DLGAP2: variants seen among roughly 807,000 people sequenced by gnomAD.
DLGAP2 encodes disks large-associated protein 2.
A neutral mutation model predicts 100.3 loss-of-function variants in DLGAP2; 26 were observed. The ratio of observed to expected loss-of-function variants is 0.26; its 90% CI spans 0.19 to 0.36. The LOEUF is 0.36. DLGAP2 is among the 10% of genes least tolerant of loss of function. The pLI is 1.00. For synonymous variants in DLGAP2, 886 were observed against 630.1 expected, an observed-to-expected ratio of 1.41 and a Z score of -6.08; for missense variants, 1,858 against 1,453.2, an observed-to-expected ratio of 1.28 and a Z score of -4.53.
chr8:848,347 G>C (rs1360371992), intron 1 of DLGAP2, among the ~76,000 whole-genome samples: 1 of 147,892 alleles, frequency 6.8e-6, no homozygotes, highest in South Asian at 2.1e-4. Context: ...TTCCAGTATA[G>C]GAACGTGCGG....
chr8:1,559,096 C>T (rs187436671), intron 5 of DLGAP2, among the ~76,000 whole-genome samples: 6 of 152,264 alleles, frequency 3.9e-5, no homozygotes, highest in East Asian at 3.9e-4. Context: ...TAACAGGAGA[C>T]GTCAAAATGT....
intron 2 of DLGAP2, among the ~76,000 whole-genome samples, chr8:1,115,987 G>T (rs556198347): frequency 6.6e-6 from 1 of 152,160 alleles, no homozygotes; most frequent in African/African-American, 2.4e-5. Context: ...CCCAGGAAAC[G>T]ATCCCAGCAG....
At chr8:882,923 G>C (rs1478222595) in intron 1 of DLGAP2, among the ~76,000 whole-genome samples, 1 of 152,234 alleles carries the variant, frequency 6.6e-6, no homozygotes, top group African/African-American at 2.4e-5. Flanking sequence ...GCATCGGTCT[G>C]GGCATGGGTA....
intron 2 of DLGAP2, among the ~76,000 whole-genome samples, chr8:1,179,408 G>A (rs1438392579): frequency 1.3e-5 from 2 of 152,206 alleles, no homozygotes; most frequent in Admixed American, 6.5e-5. Flanking sequence ...ATGGACACTT[G>A]TGCTGCCAGC....
chr8:862,726 G>C (rs914019119), intron 1 of DLGAP2, among the ~76,000 whole-genome samples: 1 of 152,150 alleles, frequency 6.6e-6, no homozygotes, highest in African/African-American at 2.4e-5. Context: ...TGGAACCTCA[G>C]GTGTTTTGAG....
intron 1 of DLGAP2, among the ~76,000 whole-genome samples, chr8:773,213 C>T (rs1409109648): frequency 6.6e-6 from 1 of 152,118 alleles, no homozygotes. Flanking sequence ...CTTTGGTGGG[C>T]AGACAGCTGA....
chr8:779,591 AG>A, intron 1 of DLGAP2, among the ~76,000 whole-genome samples: 1 of 151,646 alleles, frequency 6.6e-6, no homozygotes, highest in Non-Finnish European at 1.5e-5. Context: ...AGTCTCCCAA[AG>A]TGTGGGGATT....
chr8:1,112,237 A>ATTTTTTTTTTT (rs4044488), intron 2 of DLGAP2, among the ~76,000 whole-genome samples: 5 of 98,030 alleles, frequency 5.1e-5, no homozygotes, highest in Non-Finnish European at 9.4e-5. Context: ...TCCTTTGCCC[A>ATTTTTTTTTTT]TTTTTTTTTT....
At chr8:1,351,898 GGTCCTGACTGTGGAAAGGCCGTGCGC>G (rs1801737589) in intron 3 of DLGAP2, among the ~76,000 whole-genome samples, 7 of 89,176 alleles carry the variant, frequency 7.8e-5, no homozygotes, top group Admixed American at 1.3e-4. Context: ...AGGCCGTGCG[GGTCCTGACTGTGGAAAGGCCGTGCGC>G]GTCCTGACTG....
intron 1 of DLGAP2, among the ~76,000 whole-genome samples, chr8:834,279 G>T (rs751052538): frequency 6.6e-6 from 1 of 152,210 alleles, no homozygotes; most frequent in Admixed American, 6.5e-5. Context: ...GGCAGAGCCA[G>T]TCCTGTATGC....
intron 1 of DLGAP2, among the ~76,000 whole-genome samples, chr8:743,708 C>T (rs1013272847): frequency 4.6e-5 from 7 of 152,146 alleles, no homozygotes; most frequent in South Asian, 2.1e-4. Context: ...GGACTACAGG[C>T]GTGCACCACC....
intron 2 of DLGAP2, among the ~76,000 whole-genome samples, chr8:1,175,800 T>TA (rs1376074962): frequency 6.6e-6 from 1 of 152,214 alleles, no homozygotes; most frequent in African/African-American, 2.4e-5. Flanking sequence ...TCTTAATACT[T>TA]ATTTGGGCAT....
At chr8:1,548,041 T>A (rs1355894076) in intron 4 of DLGAP2, among the ~76,000 whole-genome samples, 1 of 152,166 alleles carries the variant, frequency 6.6e-6, no homozygotes, top group Non-Finnish European at 1.5e-5. Flanking sequence ...AATTGTTAAT[T>A]TCCTTTAATA....
chr8:1,461,787 T>C (rs1227496073), intron 3 of DLGAP2, among the ~76,000 whole-genome samples: 2 of 19,500 alleles, frequency 1.0e-4, no homozygotes, highest in Non-Finnish European at 1.7e-4. Flanking sequence ...GTCACTGATT[T>C]GGTGGCCAGG....
intron 3 of DLGAP2, among the ~76,000 whole-genome samples, chr8:1,276,783 T>C (rs1267273288): frequency 6.6e-6 from 1 of 152,202 alleles, no homozygotes; most frequent in Non-Finnish European, 1.5e-5. Flanking sequence ...TTTCATTGTT[T>C]AATTGATATT....
intron 8 of DLGAP2, among the ~76,000 whole-genome samples, chr8:1,647,951 A>G (rs1377445734): frequency 1.3e-5 from 2 of 152,132 alleles, no homozygotes; most frequent in African/African-American, 4.8e-5. Context: ...TAAAGGCACG[A>G]ATCCCTCATC....
In DLGAP2 at chr8:1,125,794, G is replaced by A. The variant is rs568230262; in HGVS notation, c.74-133057G>A. 4.6e-5 allele frequency among the ~76,000 whole-genome samples: 7 copies of A among 152,324 alleles called. No homozygotes were observed. In the East Asian group the frequency reaches 1.4e-3, roughly 29 times the overall value. ...TTTGAAAGCAAAACATTGCAGAGGC[G>A]GGAAGGCCGCTCTACAGCTAGGCTC... On this transcript the variant is annotated intron_variant, in intron 2 of 14. Transcript: ENST00000637795.
chr8:1,234,945 TTC>T (rs932677352), intron 2 of DLGAP2, among the ~76,000 whole-genome samples: 5 of 152,090 alleles, frequency 3.3e-5, no homozygotes, highest in African/African-American at 9.7e-5. Flanking sequence ...TTGTGTCTGC[TTC>T]TCTCTCACAT....
chr8:972,294 A>G (rs538562384), intron 2 of DLGAP2, among the ~76,000 whole-genome samples: 3 of 152,376 alleles, frequency 2.0e-5, no homozygotes, highest in South Asian at 2.1e-4. Context: ...ATGAAAGATA[A>G]TCTGAAGACA....
Sources: allele counts gnomAD v4.1 joint callset (sites outside exome capture counted in the v4.1 genomes callset), GRCh38; gene constraint gnomAD v4.1.1; transcripts MANE v1.5; gene names NCBI Gene and HGNC (gene_info 2026-07-23, HGNC 2026-07-21).